Variants in RAB3GAP2 observed in about 807,000 individuals in gnomAD.
The protein encoded by RAB3GAP2 is RAB3 GTPase activating non-catalytic protein subunit 2.
A neutral mutation model predicts 185.3 loss-of-function variants in RAB3GAP2; 87 were observed. The ratio of observed to expected loss-of-function variants is 0.47; its 90% CI spans 0.39 to 0.56. The LOEUF is 0.56. Among genes scored for constraint, RAB3GAP2 ranks in the 20% least tolerant of loss-of-function variants. The pLI is 0.00. For missense variants in RAB3GAP2, 1,492 were observed against 1,638.2 expected, an observed-to-expected ratio of 0.91 and a Z score of 1.54; for synonymous variants, 554 against 576.1, an observed-to-expected ratio of 0.96 and a Z score of 0.55.
chr1:220,184,030 A>G lies in RAB3GAP2; in HGVS notation c.1998+6T>C. ...TTTATATAATATAAAATGTGGGATT[A>G]CTCACATTATCAGAGAATGGTGTGT... On this transcript the variant is annotated splice_donor_region_variant and intron_variant, in intron 19 of 34. Transcript: ENST00000358951. 3 of 1,535,282 alleles carry G rather than the reference A, an allele frequency of 2.0e-6. No individual in the cohort carries two copies. The highest frequency in any genetic ancestry group is 2.7e-6 in the Non-Finnish European group (3 of 1,116,938).
chr1:220,221,570 G>A (rs1659307780), intron 2 of RAB3GAP2, among the ~76,000 whole-genome samples: 1 of 152,046 alleles, frequency 6.6e-6, no homozygotes, highest in Non-Finnish European at 1.5e-5. Context: ...TTGAGGGGAG[G>A]GAATCTATAA....
chr1:220,249,967 T>TA (rs1659900144), intron 1 of RAB3GAP2, among the ~76,000 whole-genome samples: 1 of 152,178 alleles, frequency 6.6e-6, no homozygotes, highest in African/African-American at 2.4e-5. Context: ...GGCAGAACCC[T>TA]AATGGAGAAC....
intron 31 of RAB3GAP2, chr1:220,154,486 G>GC (rs1657820654): frequency 5.6e-6 from 1 of 178,884 alleles, no homozygotes; most frequent in South Asian, 1.2e-4. Context: ...ACTGAATCTT[G>GC]CCAACAATTG....
intron 1 of RAB3GAP2, among the ~76,000 whole-genome samples, chr1:220,250,229 T>A (rs1659906894): frequency 6.6e-6 from 1 of 152,172 alleles, no homozygotes; most frequent in Non-Finnish European, 1.5e-5. Flanking sequence ...GGAGCTCACC[T>A]CTTGCATGAG....
chr1:220,253,790 G>A (rs972087443), intron 1 of RAB3GAP2: 41 of 1,611,838 alleles, frequency 2.5e-5, no homozygotes, highest in East Asian at 4.5e-5. Context: ...CAGAAACAGC[G>A]AGAACTTCAA....
chr1:220,268,537 A>G (rs1279121818), intron 1 of RAB3GAP2, among the ~76,000 whole-genome samples: 1 of 152,236 alleles, frequency 6.6e-6, no homozygotes, highest in Non-Finnish European at 1.5e-5. Flanking sequence ...TATGGTTTCT[A>G]CAAAGTACAC....
At chr1:220,265,192 G>C (rs1660208636) in intron 1 of RAB3GAP2, among the ~76,000 whole-genome samples, 2 of 152,000 alleles carry the variant, frequency 1.3e-5, no homozygotes, top group African/African-American at 4.8e-5. Flanking sequence ...AAAAAATAGA[G>C]TATTTTATAT....
At chr1:220,266,543 TCTGAGTA>T (rs1660229665) in intron 1 of RAB3GAP2, 1 of 676,560 alleles carries the variant, frequency 1.5e-6, no homozygotes, top group African/African-American at 1.8e-5. Context: ...TGTGGAGCTT[TCTGAGTA>T]GGGAGGTTAA....
chr1:220,229,631 CTA>C (rs1659462114), intron 2 of RAB3GAP2, among the ~76,000 whole-genome samples: 1 of 152,166 alleles, frequency 6.6e-6, no homozygotes. Context: ...AAATGCCTAA[CTA>C]TGTCATTCAC....
chr1:220,230,053 C>T (rs1054661026), intron 2 of RAB3GAP2, among the ~76,000 whole-genome samples: 2 of 152,194 alleles, frequency 1.3e-5, no homozygotes, highest in Non-Finnish European at 2.9e-5. Flanking sequence ...AATCTCCAAG[C>T]TTGTTTACAC....
intron 1 of RAB3GAP2, among the ~76,000 whole-genome samples, chr1:220,238,077 G>A (rs1030590529): frequency 6.6e-6 from 1 of 152,116 alleles, no homozygotes; most frequent in East Asian, 1.9e-4. Flanking sequence ...GGGTCTCTCT[G>A]TCACCCAGAT....
At position 220,202,340 on chromosome 1, in the gene RAB3GAP2, T is replaced by C. The variant is rs780485524; in HGVS notation, c.747A>G (p.Pro249=). 6.2e-7 allele frequency: 1 copy of C among 1,613,746 alleles called. No individual in the cohort carries two copies. The highest frequency in any genetic ancestry group is 8.5e-7 in the Non-Finnish European group (1 of 1,179,896). The change falls in exon 9 of 35, where the codon CCA becomes CCG. Residue 249 remains proline, a synonymous_variant. Coordinates refer to ENST00000358951, the MANE Select transcript of RAB3GAP2 (RefSeq NM_012414.4). ...AASGNENIQP[P]PLAYKKWGLQ... The stretch of plus-strand genomic sequence containing the variant: ...GACCCCATTTCTTATAAGCTAATGG[T>C]GGTGGTTGTATGTTCTCATTGCCTG...
intron 2 of RAB3GAP2, among the ~76,000 whole-genome samples, chr1:220,230,437 C>G (rs1337497209): frequency 6.6e-6 from 1 of 152,194 alleles, no homozygotes; most frequent in Non-Finnish European, 1.5e-5. Flanking sequence ...AGGTGTTGTT[C>G]GCGGAGGTGC....
At chr1:220,266,496 C>T (rs1660228687) in intron 1 of RAB3GAP2, 5 of 581,096 alleles carry the variant, frequency 8.6e-6, no homozygotes, top group Admixed American at 7.7e-5. Context: ...GCACAATTCT[C>T]GTGGCTACTT....
intron 1 of RAB3GAP2, among the ~76,000 whole-genome samples, chr1:220,251,349 G>A (rs1659926633): frequency 6.7e-6 from 1 of 149,052 alleles, no homozygotes; most frequent in African/African-American, 2.6e-5. Context: ...ATATGAAACA[G>A]AAGCTAAAAA....
At chr1:220,190,170 T>C (rs754051317) in intron 15 of RAB3GAP2, 24 bp from the exon 16 acceptor site, 1 of 1,581,392 alleles carries the variant, frequency 6.3e-7, no homozygotes, top group Admixed American at 1.7e-5. Context: ...TATAACAAAT[T>C]ATTACAGAAT....
At chr1:220,242,645 T>C (rs1659717584) in intron 1 of RAB3GAP2, among the ~76,000 whole-genome samples, 1 of 152,232 alleles carries the variant, frequency 6.6e-6, no homozygotes, top group African/African-American at 2.4e-5. Flanking sequence ...TTTGCAGTTA[T>C]AAGCACTTCC....
intron 9 of RAB3GAP2, among the ~76,000 whole-genome samples, chr1:220,198,368 C>A (rs959780913): frequency 1.3e-5 from 2 of 152,162 alleles, no homozygotes; most frequent in African/African-American, 4.8e-5. Flanking sequence ...CATCCTCGAT[C>A]CTTTGAAATC....
chr1:220,152,502 C>G (rs1657776765), intron 33 of RAB3GAP2, among the ~76,000 whole-genome samples: 1 of 152,184 alleles, frequency 6.6e-6, no homozygotes. Context: ...TATGTTTGGT[C>G]AGCCATACTG....
Sources: gnomAD v4.1 joint callset for allele counts (sites outside exome capture counted in the v4.1 genomes callset) on GRCh38, gnomAD v4.1.1 for gene constraint, MANE v1.5 for transcripts, NCBI Gene and HGNC (gene_info 2026-07-23, HGNC 2026-07-21) for gene names.